The following FRMPD4 variants were observed in gnomAD, a reference collection of about 807,000 sequenced individuals.
FRMPD4 encodes FERM and PDZ domain containing 4, also known as FERM and PDZ domain-containing protein 4.
Under a neutral mutation model 94.1 loss-of-function variants are expected in FRMPD4, and 22 were observed. The observed-to-expected ratio is 0.23, with a 90% CI of 0.17 to 0.33. The LOEUF is 0.33. Ranked by LOEUF, FRMPD4 falls within the 10% of genes least tolerant of loss-of-function variation. FRMPD4 has a pLI of 1.00. For missense variants in FRMPD4, 1,111 were observed against 1,339.9 expected, an observed-to-expected ratio of 0.83 and a Z score of 2.67; for synonymous variants, 631 against 548.6, an observed-to-expected ratio of 1.15 and a Z score of -2.10.
At chrX:11,830,647 T>C (rs1220671150) in intron 1 of FRMPD4, among the ~76,000 whole-genome samples, 1 of 112,290 alleles carries the variant, frequency 8.9e-6, no homozygotes, top group Non-Finnish European at 1.9e-5. Flanking sequence ...TAAAAAAGCT[T>C]GTATGCAGTG....
intron 1 of FRMPD4, among the ~76,000 whole-genome samples, chrX:12,176,976 A>G (rs754391401): frequency 1.8e-5 from 2 of 112,063 alleles, no homozygotes; most frequent in South Asian, 3.7e-4. Flanking sequence ...CTAGTGTGAC[A>G]TTTCGTTTTC....
At chrX:12,344,600 G>C (rs1338634573) in intron 1 of FRMPD4, among the ~76,000 whole-genome samples, 1 of 112,127 alleles carries the variant, frequency 8.9e-6, no homozygotes, top group Non-Finnish European at 1.9e-5. Context: ...GGAAAATGTT[G>C]ATTTTATAAT....
At chrX:12,148,533 A>ACCTT (rs775344517) in intron 1 of FRMPD4, among the ~76,000 whole-genome samples, 5,989 of 112,521 alleles carry the variant, frequency 0.053, 159 homozygotes, top group Non-Finnish European at 0.082. Flanking sequence ...TGAAAGTACA[A>ACCTT]GGTAAAGCGG....
chrX:12,596,862 C>T (rs1158258565), intron 2 of FRMPD4, among the ~76,000 whole-genome samples: 1 of 112,138 alleles, frequency 8.9e-6, no homozygotes, highest in Non-Finnish European at 1.9e-5. Flanking sequence ...CAGTGGCTTA[C>T]ACTCATGTGG....
chrX:12,702,264 T>C (rs1010655041), intron 10 of FRMPD4, among the ~76,000 whole-genome samples: 1 of 112,617 alleles, frequency 8.9e-6, no homozygotes, highest in African/African-American at 3.2e-5. Context: ...AGGGGCTTGA[T>C]TCCAAGCCAA....
At chrX:12,184,010 A>G (rs2056393920) in intron 1 of FRMPD4, among the ~76,000 whole-genome samples, 1 of 110,060 alleles carries the variant, frequency 9.1e-6, no homozygotes, top group South Asian at 3.9e-4. Flanking sequence ...ACATTTTTCC[A>G]ATGATTTTTA....
chrX:12,156,003 C>T (rs1440354441), intron 1 of FRMPD4, among the ~76,000 whole-genome samples: 2 of 111,564 alleles, frequency 1.8e-5, no homozygotes, highest in Non-Finnish European at 3.8e-5. Flanking sequence ...ACTATCTGGC[C>T]CTTTACAGAA....
chrX:12,574,714 T>G (rs1028197611), intron 2 of FRMPD4, among the ~76,000 whole-genome samples: 1 of 111,159 alleles, frequency 9.0e-6, no homozygotes, highest in Non-Finnish European at 1.9e-5. Flanking sequence ...CCCAGGCTGG[T>G]CTCGAATTTC....
At chrX:12,157,943 T>C (rs1479206640) in intron 1 of FRMPD4, among the ~76,000 whole-genome samples, 1 of 111,967 alleles carries the variant, frequency 8.9e-6, no homozygotes, top group East Asian at 2.8e-4. Flanking sequence ...AAACTTACTG[T>C]GTATGTATTT....
intron 2 of FRMPD4, among the ~76,000 whole-genome samples, chrX:12,499,145 T>C (rs1327350388): frequency 9.0e-6 from 1 of 111,435 alleles, no homozygotes; most frequent in African/African-American, 3.3e-5. Context: ...ACAACCGAAG[T>C]TGGACATGCA....
At chrX:12,023,355 T>A (rs1314475407) in intron 3 of FRMPD4, among the ~76,000 whole-genome samples, 2 of 111,357 alleles carry the variant, frequency 1.8e-5, no homozygotes, top group East Asian at 5.7e-4. Context: ...ACCCAAGAAG[T>A]TCAGACCCCT....
intron 1 of FRMPD4, among the ~76,000 whole-genome samples, chrX:12,331,774 A>G (rs1569234243): frequency 3.3e-5 from 2 of 60,441 alleles, no homozygotes; most frequent in Non-Finnish European, 5.3e-5. Context: ...TAAATTATAT[A>G]TTATATATTT....
At chrX:11,826,624 G>C (rs749565632) in intron 1 of FRMPD4, among the ~76,000 whole-genome samples, 1 of 111,876 alleles carries the variant, frequency 8.9e-6, no homozygotes, top group Non-Finnish European at 1.9e-5. Context: ...AAAGACTTGA[G>C]TACTTTTTAA....
chrX:11,856,424 C>A (rs745907888), intron 1 of FRMPD4, among the ~76,000 whole-genome samples: 1 of 111,877 alleles, frequency 8.9e-6, no homozygotes, highest in Non-Finnish European at 1.9e-5. Flanking sequence ...AAATGTGATT[C>A]ATCATATAAA....
intron 7 of FRMPD4, among the ~76,000 whole-genome samples, chrX:12,686,623 C>CA (rs112215437): frequency 9.7e-4 from 108 of 111,389 alleles, no homozygotes; most frequent in African/African-American, 3.4e-3. Flanking sequence ...TGGTGTCCAG[C>CA]AAAAAACAAG....
intron 2 of FRMPD4, among the ~76,000 whole-genome samples, chrX:12,506,820 ACTT>A (rs1415539690): frequency 3.6e-5 from 4 of 112,447 alleles, no homozygotes; most frequent in Non-Finnish European, 7.5e-5. Flanking sequence ...TTTTGATTGT[ACTT>A]CTTAATATGA....
chrX:12,309,647 G>T (rs1261458156), intron 1 of FRMPD4, among the ~76,000 whole-genome samples: 1 of 112,112 alleles, frequency 8.9e-6, no homozygotes, highest in African/African-American at 3.2e-5. Context: ...CTAGTCATAG[G>T]TGCACAGTAA....
intron 1 of FRMPD4, among the ~76,000 whole-genome samples, chrX:12,454,815 G>GAT (rs2057314760): frequency 1.1e-5 from 1 of 92,514 alleles, no homozygotes; most frequent in African/African-American, 3.9e-5. Flanking sequence ...AGAAAGCCAC[G>GAT]TTTTTTTTTT....
chrX:12,438,922 T>C (rs2057101070), intron 1 of FRMPD4, among the ~76,000 whole-genome samples: 1 of 111,266 alleles, frequency 9.0e-6, no homozygotes, highest in Non-Finnish European at 1.9e-5. Context: ...CAGGAGACAG[T>C]TCTCTGTGCG....
Sources: allele counts gnomAD v4.1 joint callset (sites outside exome capture counted in the v4.1 genomes callset), GRCh38; gene constraint gnomAD v4.1.1; transcripts MANE v1.5; gene names NCBI Gene and HGNC (gene_info 2026-07-23, HGNC 2026-07-21).